Variants in HCRTR2 observed in about 807,000 individuals in gnomAD.
The protein encoded by HCRTR2 is hypocretin receptor 2.
In HCRTR2, 22 loss-of-function variants were observed where a neutral mutation model predicts 49.0. The observed-to-expected ratio is 0.45, with a 90% CI of 0.32 to 0.64. HCRTR2 has a LOEUF of 0.64. HCRTR2 is among the 30% of genes least tolerant of loss of function. The probability of loss-of-function intolerance (pLI) is 0.04; values close to 1 mark genes in which losing one functional copy is unlikely to be tolerated. For synonymous variants in HCRTR2, 236 were observed against 205.3 expected (o/e 1.15, Z -1.28); for missense variants, 491 against 559.4 (o/e 0.88, Z 1.23).
intron 5 of HCRTR2, among the ~76,000 whole-genome samples, chr6:55,280,095 G>C (rs1013873988): frequency 1.4e-4 from 22 of 152,088 alleles, no homozygotes; most frequent in Non-Finnish European, 1.2e-4. Flanking sequence ...TTGTGGGAGG[G>C]AGAGACCCTT....
At position 55,174,584 on chromosome 6, in the gene HCRTR2, C is replaced by G. The variant is rs750090770; in HGVS notation, c.-4C>G. The G allele has an allele frequency of 6.2e-7, 1 of 1,612,392 alleles. No individual in the cohort carries two copies. The highest frequency in any genetic ancestry group is 8.5e-7 in the Non-Finnish European group (1 of 1,178,552). On this transcript the variant is annotated 5_prime_UTR_variant, in exon 1 of 7. Coordinates refer to ENST00000370862, the MANE Select transcript of HCRTR2 (RefSeq NM_001384272.1). ...CATTGAGCGGAACCGGACTTGAGCCCGTGATGTCCGGCACCAAATTGGAGG... is the reference window on the plus strand; with the variant it reads ...CATTGAGCGGAACCGGACTTGAGCCGGTGATGTCCGGCACCAAATTGGAGG...
At chr6:55,245,504 T>TATATATATA (rs1562020390) in intron 1 of HCRTR2, among the ~76,000 whole-genome samples, 2 of 106,768 alleles carry the variant, frequency 1.9e-5, no homozygotes, top group African/African-American at 6.7e-5. Flanking sequence ...TATATATATA[T>TATATATATA]ATCTTCCCCA....
intron 1 of HCRTR2, among the ~76,000 whole-genome samples, chr6:55,197,824 T>C (rs114375499): frequency 0.018 from 2,690 of 152,254 alleles, 73 homozygotes; most frequent in African/African-American, 0.061. Context: ...GGTTTCACCC[T>C]GTTAGCAAGG....
At chr6:55,213,855 C>T (rs909645064) in intron 1 of HCRTR2, among the ~76,000 whole-genome samples, 12 of 152,124 alleles carry the variant, frequency 7.9e-5, no homozygotes, top group African/African-American at 7.2e-5. Context: ...ACTCATTTGC[C>T]GCAGTTCCTC....
At chr6:55,157,313 C>T (rs946537707) in intron 1 of HCRTR2, among the ~76,000 whole-genome samples, 8 of 152,194 alleles carry the variant, frequency 5.3e-5, no homozygotes, top group African/African-American at 1.9e-4. Context: ...AAGGAATTTA[C>T]CAAGAATGTA....
intron 1 of HCRTR2, among the ~76,000 whole-genome samples, chr6:55,115,919 A>G (rs1178651785): frequency 6.6e-6 from 1 of 151,680 alleles, no homozygotes; most frequent in African/African-American, 2.4e-5. Flanking sequence ...TCCATGATGT[A>G]TGTGTGTAAA....
intron 1 of HCRTR2, among the ~76,000 whole-genome samples, chr6:55,193,459 TCA>T (rs1562002341): frequency 6.6e-6 from 1 of 151,912 alleles, no homozygotes; most frequent in Non-Finnish European, 1.5e-5. Flanking sequence ...TTTGCTACCT[TCA>T]GTTTTTATTA....
chr6:55,190,993 T>C (rs1029934183), intron 1 of HCRTR2, among the ~76,000 whole-genome samples: 2 of 152,078 alleles, frequency 1.3e-5, no homozygotes, highest in African/African-American at 4.8e-5. Flanking sequence ...AATTCTATTG[T>C]ACCAATGAAG....
At chr6:55,272,932 A>C (rs756176704) in intron 4 of HCRTR2, among the ~76,000 whole-genome samples, 7 of 150,616 alleles carry the variant, frequency 4.6e-5, no homozygotes, top group Non-Finnish European at 1.0e-4. Flanking sequence ...GGAGTTGGAC[A>C]GGGGCAGGAG....
chr6:55,234,910 C>A (rs761182791), intron 1 of HCRTR2, among the ~76,000 whole-genome samples: 10 of 152,072 alleles, frequency 6.6e-5, no homozygotes, highest in Non-Finnish European at 1.2e-4. Flanking sequence ...AGTAACAGCC[C>A]TGTTTACAAT....
chr6:55,261,269 G>T (rs1766750441), intron 3 of HCRTR2, among the ~76,000 whole-genome samples: 1 of 151,964 alleles, frequency 6.6e-6, no homozygotes. Context: ...CTTATCAAAA[G>T]TTGGCTAAGA....
chr6:55,284,001 T>G (rs1421408515), downstream of HCRTR2, among the ~76,000 whole-genome samples: 1 of 152,200 alleles, frequency 6.6e-6, no homozygotes, highest in East Asian at 1.9e-4. Flanking sequence ...TTTAACTCTC[T>G]CCTTTCTCCC....
At chr6:55,202,601 T>C (rs1323255755) in intron 1 of HCRTR2, among the ~76,000 whole-genome samples, 2 of 152,172 alleles carry the variant, frequency 1.3e-5, no homozygotes, top group Non-Finnish European at 2.9e-5. Flanking sequence ...ACATCTGTTG[T>C]CTCATATGTC....
Position 55,282,466 on chromosome 6 carries a change from A to C in HCRTR2, c.*12A>C, listed in dbSNP as rs552174073. The C allele has an allele frequency of 5.0e-6, 7 of 1,390,810 alleles. No homozygotes were observed. The Admixed American group carries it at 6.7e-5, about 13-fold the overall frequency. 86.2% of individuals were successfully genotyped at this position (1,390,810 alleles called of 1,614,324 possible). On this transcript the variant is annotated 3_prime_UTR_variant, in exon 7 of 7. Coordinates refer to ENST00000370862, the MANE Select transcript of HCRTR2 (RefSeq NM_001384272.1). ...TTCAAAACTGGTAGAATATTTATTCATATGACAAGGATACCTGAGTAAAAC... is the reference window on the plus strand; with the variant it reads ...TTCAAAACTGGTAGAATATTTATTCCTATGACAAGGATACCTGAGTAAAAC...
chr6:55,279,121 T>TTCTA (rs2127333075), intron 5 of HCRTR2, among the ~76,000 whole-genome samples: 1 of 152,204 alleles, frequency 6.6e-6, no homozygotes, highest in South Asian at 2.1e-4. Flanking sequence ...TTTTGGGGCA[T>TTCTA]TCTACTCTTT....
chr6:55,283,174 T>TAAC (rs953185847), downstream of HCRTR2, among the ~76,000 whole-genome samples: 1 of 152,210 alleles, frequency 6.6e-6, no homozygotes, highest in Non-Finnish European at 1.5e-5. Context: ...TATATTCTTT[T>TAAC]AACAACAACA....
At chr6:55,188,281 T>C (rs1765259235) in intron 1 of HCRTR2, among the ~76,000 whole-genome samples, 1 of 152,188 alleles carries the variant, frequency 6.6e-6, no homozygotes. Flanking sequence ...TAACTCCTTG[T>C]AGGTACCTGA....
At chr6:55,157,737 G>C (rs1581799113) in intron 1 of HCRTR2, among the ~76,000 whole-genome samples, 1 of 152,178 alleles carries the variant, frequency 6.6e-6, no homozygotes, top group South Asian at 2.1e-4. Flanking sequence ...AGTCTCTGTT[G>C]GTAATACAAG....
At chr6:55,212,590 T>C (rs79009932) in intron 1 of HCRTR2, among the ~76,000 whole-genome samples, 3,320 of 152,234 alleles carry the variant, frequency 0.022, 56 homozygotes, top group Non-Finnish European at 0.035. Flanking sequence ...GTGGAAGTAG[T>C]TGTGAGAGCA....
Sources: gnomAD v4.1 joint callset for allele counts (sites outside exome capture counted in the v4.1 genomes callset) on GRCh38, gnomAD v4.1.1 for gene constraint, MANE v1.5 for transcripts, NCBI Gene and HGNC (gene_info 2026-07-23, HGNC 2026-07-21) for gene names.